Variants in PEF1 observed in about 807,000 individuals in gnomAD.
PEF1 encodes the protein peflin.
PEF1 carries 17 observed loss-of-function variants against 32.0 expected under a neutral mutation model. The observed-to-expected ratio is 0.53, with a 90% CI of 0.36 to 0.80. The LOEUF (loss-of-function observed/expected upper bound fraction) is 0.80. Among genes scored for constraint, PEF1 ranks in the 30% least tolerant of loss-of-function variants. The probability of loss-of-function intolerance (pLI) is 0.00; values close to 1 mark genes in which losing one functional copy is unlikely to be tolerated. For synonymous variants in PEF1, 130 were observed against 139.8 expected (o/e 0.93, Z 0.50); for missense variants, 362 against 369.1 (o/e 0.98, Z 0.16).
At chr1:31,632,886 C>G (rs1314122976) in intron 3 of PEF1, among the ~76,000 whole-genome samples, 1 of 152,200 alleles carries the variant, frequency 6.6e-6, no homozygotes, top group Admixed American at 6.5e-5. Flanking sequence ...GCACCTGACC[C>G]CTCCCTGCTG....
intron 1 of PEF1, 162 bp downstream of exon 1, chr1:31,644,679 C>G: frequency 6.8e-7 from 1 of 1,473,436 alleles, no homozygotes; most frequent in Non-Finnish European, 9.0e-7. Context: ...GTGAGCAGGG[C>G]GCGACCGACG....
chr1:31,634,853 G>T, intron 2 of PEF1: 1 of 470,402 alleles, frequency 2.1e-6, no homozygotes, highest in African/African-American at 2.0e-5. Flanking sequence ...GCTTTAAGAG[G>T]CATTGTGCAT....
In PEF1 at chr1:31,630,477, T is replaced by G. The variant is rs1640063606; in HGVS notation, c.*136A>C. 5 of 934,294 alleles carry G rather than the reference T, an allele frequency of 5.4e-6. No individual in the cohort carries two copies. The Admixed American group carries it at 1.1e-4, about 21-fold the overall frequency. 57.9% of individuals were successfully genotyped at this position (934,294 alleles called of 1,614,324 possible). A position where few individuals can be genotyped will look rare whatever the true frequency, so the allele number is the denominator to read the frequency against. On this transcript the variant is annotated 3_prime_UTR_variant, in exon 5 of 5. Coordinates refer to ENST00000373703, the MANE Select transcript of PEF1 (RefSeq NM_012392.4). ...ATGATGCAGGACTCTCCACCCTCTTTTGGAACAGTGTTGCATCAAGCAAGG... is the reference window on the plus strand; with the variant it reads ...ATGATGCAGGACTCTCCACCCTCTTGTGGAACAGTGTTGCATCAAGCAAGG...
At chr1:31,632,744 G>A (rs1280723354) in intron 3 of PEF1, 106 bp from the exon 4 acceptor site, 93 of 1,352,424 alleles carry the variant, frequency 6.9e-5, no homozygotes, top group South Asian at 5.2e-4. Context: ...TGGAGTAGGC[G>A]ACTTCACAGA....
chr1:31,630,757 G>A lies in PEF1; in HGVS notation c.711C>T (p.Ala237=). 6.2e-7 allele frequency: 1 copy of A among 1,614,142 alleles called. No homozygotes were observed. The highest frequency in any genetic ancestry group is 8.5e-7 in the Non-Finnish European group (1 of 1,180,048). ...SRYCPRSANP[A]MQLDRFIQVC... ...CCTGGATGAAGCGGTCAAGCTGCAT[G>A]GCAGGATTGGCAGAGCGTGGGCAGT... is the stretch of plus-strand genomic sequence containing the variant. Residue 237 remains alanine, a synonymous_variant, in exon 5 of 5, where the codon GCC becomes GCT. Coordinates refer to ENST00000373703, the MANE Select transcript of PEF1 (RefSeq NM_012392.4).
intron 1 of PEF1, among the ~76,000 whole-genome samples, chr1:31,640,450 TA>T (rs1437961054): frequency 6.6e-6 from 1 of 152,182 alleles, no homozygotes; most frequent in Non-Finnish European, 1.5e-5. Context: ...GGGACTGTGC[TA>T]AATGTCTTTG....
chr1:31,634,074 G>T (rs1358905494), intron 2 of PEF1, among the ~76,000 whole-genome samples: 1 of 152,192 alleles, frequency 6.6e-6, no homozygotes, highest in Non-Finnish European at 1.5e-5. Flanking sequence ...GACAGCCATG[G>T]GCAGTTGTGG....
chr1:31,632,313 C>G (rs1439788700), intron 4 of PEF1, 182 bp downstream of exon 4: 1 of 1,072,948 alleles, frequency 9.3e-7, no homozygotes, highest in Admixed American at 2.0e-5. Flanking sequence ...TGCCCTGGCT[C>G]TTGGCTCAGT....
At chr1:31,634,939 T>C in intron 2 of PEF1, 1 of 555,520 alleles carries the variant, frequency 1.8e-6, no homozygotes, top group South Asian at 1.6e-5. Context: ...CTTCAGCATG[T>C]ATCCCTGAAT....
chr1:31,644,546 G>A (rs1239423638), intron 1 of PEF1: 15 of 1,387,498 alleles, frequency 1.1e-5, no homozygotes, highest in Middle Eastern at 5.5e-4. Flanking sequence ...TGAGGGCCTT[G>A]GGAGGCTGTG....
At chr1:31,636,163 G>C (rs1379147606) in intron 1 of PEF1, among the ~76,000 whole-genome samples, 1 of 152,154 alleles carries the variant, frequency 6.6e-6, no homozygotes, top group Non-Finnish European at 1.5e-5. Context: ...AGCTAGGCGT[G>C]GTGGCTCACA....
Position 31,632,477 on chromosome 1 carries a change from C to T in PEF1, c.625+18G>A. 6.2e-7 allele frequency: 1 copy of T among 1,614,224 alleles called. No homozygotes were observed. The highest frequency in any genetic ancestry group is 8.5e-7 in the Non-Finnish European group (1 of 1,180,040). On this transcript the variant is annotated intron_variant, in intron 4 of 4. Transcript: ENST00000373703. ...TCTAGCTCTGTCCTGCCCATCGTGCCCCGGCCATGACCCGCACCTTGCTGC... is the reference window on the plus strand; with the variant it reads ...TCTAGCTCTGTCCTGCCCATCGTGCTCCGGCCATGACCCGCACCTTGCTGC...
At position 31,632,548 on chromosome 1, in the gene PEF1, TGGAAGAG is replaced by T; in HGVS notation, c.565_571del (p.Leu189SerfsTer27). The T allele has an allele frequency of 6.2e-7, 1 of 1,614,220 alleles. No individual in the cohort carries two copies. Among genetic ancestry groups the T allele is most frequent in the Non-Finnish European group, 8.5e-7 (1 of 1,180,048 alleles). ...GCCCGAGCGGTCCCGGTCATACTGCTGGAAGAGGTTCTTCCACTGCTGGATGAATTTC... is the reference window on the plus strand; with the variant it reads ...GCCCGAGCGGTCCCGGTCATACTGCTGTTCTTCCACTGCTGGATGAATTTC... On this transcript the variant is annotated frameshift_variant, in exon 4 of 5. Transcript: ENST00000373703. LOFTEE classifies it high-confidence loss of function.
rs945556934 is a variant in PEF1, at chr1:31,630,259, C to T, written c.*354G>A. The T allele has an allele frequency of 1.3e-5, 4 of 318,332 alleles. No individual in the cohort carries two copies. Among genetic ancestry groups the T allele is most frequent in the Admixed American group, 1.2e-4 (3 of 24,362 alleles). 19.7% of individuals were successfully genotyped at this position (318,332 alleles called of 1,614,324 possible). ...AACACAGGTACTAACGGTAACAGGC[C>T]GATGAACACTCACCACTGGCATCAG... On this transcript the variant is annotated 3_prime_UTR_variant, in exon 5 of 5. Transcript: ENST00000373703.
In PEF1 at chr1:31,635,249, C is replaced by T; in HGVS notation, c.298G>A (p.Ala100Thr). 6.2e-7 allele frequency: 1 copy of T among 1,614,156 alleles called. No individual in the cohort carries two copies. The highest frequency in any genetic ancestry group is 1.1e-5 in the South Asian group (1 of 91,084). Reference protein sequence around the residue: ...YGQPPPSSYGAQQPGLYGQGG... With the variant: ...YGQPPPSSYGTQQPGLYGQGG... ...TGTCCATAAAGCCCAGGCTGCTGGG[C>T]ACCGTAGGAACTTGGAGGTGGCTGA... Residue 100 changes from alanine to threonine, a missense_variant, in exon 2 of 5, where the codon GCC becomes ACC. Coordinates refer to ENST00000373703, the MANE Select transcript of PEF1 (RefSeq NM_012392.4).
intron 1 of PEF1, among the ~76,000 whole-genome samples, chr1:31,642,528 C>T (rs975293067): frequency 3.3e-5 from 5 of 152,166 alleles, no homozygotes; most frequent in Non-Finnish European, 5.9e-5. Context: ...TCCTCCAAAG[C>T]TATGTAGTGG....
At chr1:31,637,128 C>G (rs901275143) in intron 1 of PEF1, among the ~76,000 whole-genome samples, 2 of 151,592 alleles carry the variant, frequency 1.3e-5, no homozygotes, top group African/African-American at 4.8e-5. Context: ...AGGCCAAATT[C>G]ATGAGGTTTT....
intron 1 of PEF1, among the ~76,000 whole-genome samples, chr1:31,637,596 T>C (rs1307409777): frequency 2.2e-5 from 3 of 134,066 alleles, no homozygotes; most frequent in African/African-American, 2.9e-5. Flanking sequence ...TGAGCTGTGA[T>C]TGTGCCACAA....
chr1:31,633,354 G>C, intron 2 of PEF1, 40 bp from the exon 3 acceptor site: 1 of 1,573,296 alleles, frequency 6.4e-7, no homozygotes, highest in Non-Finnish European at 8.6e-7. Context: ...AGAAATGCCA[G>C]GAAGGGCCAG....
Sources: gnomAD v4.1 joint callset for allele counts (sites outside exome capture counted in the v4.1 genomes callset) on GRCh38, gnomAD v4.1.1 for gene constraint, MANE v1.5 for transcripts, NCBI Gene and HGNC (gene_info 2026-07-23, HGNC 2026-07-21) for gene names.